Variants in ANXA11 observed in about 807,000 individuals in gnomAD.
The protein encoded by ANXA11 is 56 kDa autoantigen.
ANXA11 carries 57 observed loss-of-function variants against 64.7 expected under a neutral mutation model. The observed-to-expected ratio is 0.88, with a 90% CI of 0.71 to 1.10. The LOEUF (loss-of-function observed/expected upper bound fraction) is 1.10. Among genes scored for constraint, ANXA11 ranks in the 50% least tolerant of loss-of-function variants. The probability of loss-of-function intolerance (pLI) is 0.00; values close to 1 mark genes in which losing one functional copy is unlikely to be tolerated. For synonymous variants in ANXA11, 260 were observed against 265.2 expected (o/e 0.98, Z 0.19); for missense variants, 675 against 670.7 (o/e 1.01, Z -0.07).
chr10:80,163,097 T>TC (rs1845577816), intron 11 of ANXA11, among the ~76,000 whole-genome samples: 1 of 152,190 alleles, frequency 6.6e-6, no homozygotes, highest in African/African-American at 2.4e-5. Flanking sequence ...TCCAAAACCA[T>TC]GATCTATCAA....
rs1029433673 is a variant in ANXA11 at position 80,171,877 on chromosome 10, C to G, written c.55+930G>C. The G allele has an allele frequency of 5.1e-6, 5 of 985,436 alleles. No individual in the cohort carries two copies. In the African/African-American group the frequency reaches 8.7e-5, roughly 17 times the overall value. The allele number at this position is 985,436 out of a possible 1,614,324, so 61.0% of individuals were successfully genotyped here. A position where few individuals can be genotyped will look rare whatever the true frequency, so the allele number is the denominator to read the frequency against. ...GAGAGAGAACCCAGGCCAGTGCCAG[C>G]CAACCTGGGGTGGGCTCATTCAGAG... On this transcript the variant is annotated intron_variant, in intron 3 of 15. Coordinates refer to ENST00000422982, the MANE Select transcript of ANXA11 (RefSeq NM_145868.2).
At chr10:80,199,294 T>A (rs1341784915) in intron 1 of ANXA11, among the ~76,000 whole-genome samples, 1 of 152,038 alleles carries the variant, frequency 6.6e-6, no homozygotes, top group Non-Finnish European at 1.5e-5. Flanking sequence ...AGGCGGGATT[T>A]CACCGTGTTA....
rs1441445118 is a variant in ANXA11 at position 80,164,134 on chromosome 10, T to C, written c.868A>G (p.Thr290Ala). Residue 290 changes from threonine to alanine, a missense_variant, in exon 9 of 16, where the codon ACT becomes GCT. Transcript: ENST00000422982. The part of the protein sequence containing the change: ...EIKEAIKGVG[T>A]DEACLIEILA... ...ATCTCAATCAGGCAGGCTTCATCAG[T>C]GCCAACCCCCTGCAGGGGCAGAGAA... The C allele has an allele frequency of 1.2e-6, 2 of 1,613,772 alleles. No individual in the cohort carries two copies. The highest frequency in any genetic ancestry group is 1.7e-6 in the Non-Finnish European group (2 of 1,179,756).
chr10:80,192,908 CTT>C (rs1846834669), intron 1 of ANXA11, among the ~76,000 whole-genome samples: 1 of 152,186 alleles, frequency 6.6e-6, no homozygotes. Flanking sequence ...CTCCCATGCA[CTT>C]TTCTTAGGAA....
chr10:80,202,636 A>C (rs1199622128), intron 1 of ANXA11, among the ~76,000 whole-genome samples: 1 of 152,142 alleles, frequency 6.6e-6, no homozygotes, highest in African/African-American at 2.4e-5. Flanking sequence ...AATCCAGAGA[A>C]AGTGAAAAGT....
Position 80,157,640 on chromosome 10 carries a change from C to T in ANXA11, c.1458+1G>A. 1 of 1,612,752 alleles carries T rather than the reference C, an allele frequency of 6.2e-7. No homozygotes were observed. The highest frequency in any genetic ancestry group is 8.5e-7 in the Non-Finnish European group (1 of 1,179,088). On this transcript the variant is annotated splice_donor_variant, in intron 15 of 15. Transcript: ENST00000422982. LOFTEE classifies it high-confidence loss of function. Reference sequence around the variant, plus strand: ...CCAGTTGGCCTGCAGCAGGCCCGTACCGAGATGTCGTGGTACAGCGACTTG... The same window carrying T: ...CCAGTTGGCCTGCAGCAGGCCCGTATCGAGATGTCGTGGTACAGCGACTTG...
At chr10:80,176,301 G>A (rs1846166373) in intron 1 of ANXA11, 146 bp from the exon 2 acceptor site, 1 of 152,224 alleles carries the variant, frequency 6.6e-6, no homozygotes, top group African/African-American at 2.4e-5. Flanking sequence ...AGCCAGCTCT[G>A]TATATGGAAA....
Position 80,166,827 on chromosome 10 carries a change from G to A in ANXA11, c.744+63C>T, listed in dbSNP as rs774732485. The A allele has an allele frequency of 4.7e-6, 6 of 1,282,874 alleles. No individual in the cohort carries two copies. The East Asian group carries it at 1.5e-4, about 32-fold the overall frequency. 79.5% of individuals were successfully genotyped at this position (1,282,874 alleles called of 1,614,324 possible). ...GGCCCACCCAAGGAAAAGCAGGGGA[G>A]AGCAGGGCTGTGCTGAGCCCAGGAC... On this transcript the variant is annotated intron_variant, in intron 7 of 15. Transcript: ENST00000422982.
At chr10:80,203,441 C>G (rs1404718404) in intron 1 of ANXA11, among the ~76,000 whole-genome samples, 1 of 152,178 alleles carries the variant, frequency 6.6e-6, no homozygotes, top group Non-Finnish European at 1.5e-5. Context: ...ACCCTCCCCA[C>G]GTTTCTCTAT....
At chr10:80,197,852 A>T (rs988099297) in intron 1 of ANXA11, among the ~76,000 whole-genome samples, 1 of 151,832 alleles carries the variant, frequency 6.6e-6, no homozygotes, top group Non-Finnish European at 1.5e-5. Flanking sequence ...TGAACCCAGG[A>T]GGCAGAGCTT....
At chr10:80,199,690 A>C (rs1313517866) in intron 1 of ANXA11, among the ~76,000 whole-genome samples, 1 of 152,206 alleles carries the variant, frequency 6.6e-6, no homozygotes, top group Non-Finnish European at 1.5e-5. Context: ...AAAATGAAAA[A>C]ATATGTAAAA....
intron 1 of ANXA11, among the ~76,000 whole-genome samples, chr10:80,196,155 T>C (rs1470475537): frequency 6.6e-6 from 1 of 152,234 alleles, no homozygotes; most frequent in Non-Finnish European, 1.5e-5. Flanking sequence ...ATTACCTCAT[T>C]AACCTCCACA....
In ANXA11 at chr10:80,179,999, T is replaced by C. The variant is rs1589438300; in HGVS notation, c.-57-3844A>G. Among the ~76,000 whole-genome samples the C allele has an allele frequency of 2.6e-5, 4 of 152,256 alleles. No individual in the cohort carries two copies. The South Asian group carries it at 8.3e-4, about 32-fold the overall frequency. On this transcript the variant is annotated intron_variant, in intron 1 of 15. Transcript: ENST00000422982. Reference sequence around the variant, plus strand: ...CATCAGAAGCCAGCCTCAAAGCGTCTGGTGAATGCCAAAAGCATAGAGCAG... The same window carrying C: ...CATCAGAAGCCAGCCTCAAAGCGTCCGGTGAATGCCAAAAGCATAGAGCAG...
intron 1 of ANXA11, among the ~76,000 whole-genome samples, chr10:80,199,923 GCC>G (rs952717351): frequency 6.6e-6 from 1 of 152,194 alleles, no homozygotes; most frequent in African/African-American, 2.4e-5. Flanking sequence ...ATGACTTGGG[GCC>G]CGCGTCTTTC....
intron 1 of ANXA11, among the ~76,000 whole-genome samples, chr10:80,204,334 G>T (rs540126040): frequency 1.3e-5 from 2 of 152,224 alleles, no homozygotes; most frequent in Admixed American, 1.3e-4. Flanking sequence ...ATTGACTGCC[G>T]CATAAAAGGA....
chr10:80,162,149 C>A (rs768288244), intron 11 of ANXA11, 121 bp from the exon 12 acceptor site: 51 of 759,316 alleles, frequency 6.7e-5, no homozygotes, highest in Non-Finnish European at 9.3e-5. Flanking sequence ...CAATTTGCAA[C>A]CTCTGAACTA....
intron 5 of ANXA11, 122 bp downstream of exon 5, chr10:80,168,847 G>C (rs1225429942): frequency 4.3e-6 from 5 of 1,174,878 alleles, no homozygotes; most frequent in Non-Finnish European, 5.7e-6. Flanking sequence ...GACACTATTT[G>C]TTAAAACAAG....
chr10:80,190,066 A>G (rs780557397), intron 1 of ANXA11, among the ~76,000 whole-genome samples: 1 of 152,258 alleles, frequency 6.6e-6, no homozygotes, highest in Non-Finnish European at 1.5e-5. Context: ...AAAGGAGTCA[A>G]ATTCCTAAGG....
Position 80,170,862 on chromosome 10 carries a change from TG to T in ANXA11, c.108del (p.Ile37SerfsTer114), listed in dbSNP as rs751349522. 5 of 1,541,130 alleles carry T rather than the reference TG, an allele frequency of 3.2e-6. No homozygotes were observed. Among genetic ancestry groups the T allele is most frequent in the African/African-American group, 2.8e-5 (2 of 71,740 alleles). The part of the protein sequence containing the change: ...AAYPPPPSMP[P>X]IGLDNVATYA... ...TAGGTGGCCACGTTATCCAGCCCGA[TG>T]GGGGGCATGCTGGGCGGAGGAGGGT... is the stretch of plus-strand genomic sequence containing the variant. On this transcript the variant is annotated frameshift_variant, in exon 4 of 16. Transcript: ENST00000422982. LOFTEE classifies it high-confidence loss of function.
Sources: allele counts gnomAD v4.1 joint callset (sites outside exome capture counted in the v4.1 genomes callset), GRCh38; gene constraint gnomAD v4.1.1; transcripts MANE v1.5; gene names NCBI Gene and HGNC (gene_info 2026-07-23, HGNC 2026-07-21).